SIPA1L1: variants seen among roughly 807,000 people sequenced by gnomAD.
The protein encoded by SIPA1L1 is signal-induced proliferation-associated 1-like protein 1.
Under a neutral mutation model 162.7 loss-of-function variants are expected in SIPA1L1, and 26 were observed. The ratio of observed to expected loss-of-function variants is 0.16; its 90% confidence interval spans 0.12 to 0.22. The LOEUF (loss-of-function observed/expected upper bound fraction) is 0.22, where lower values mean the gene tolerates loss of function less well. SIPA1L1 is among the 10% of genes least tolerant of loss of function. SIPA1L1 has a pLI of 1.00. For synonymous variants in SIPA1L1, 829 were observed against 837.4 expected (o/e 0.99, Z 0.17); for missense variants, 1,874 against 2,241.0 (o/e 0.84, Z 3.31).
rs147026918 is a variant in SIPA1L1, at chr14:71,367,510, G to A, written c.-465+46329G>A. Among the ~76,000 whole-genome samples the A allele has an allele frequency of 2.4e-3, 364 of 150,006 alleles. 2 individuals are homozygous for A. Among genetic ancestry groups the A allele is most frequent in the African/African-American group, 7.3e-3 (298 of 40,726 alleles). ...TTTTTACTGGAGACGGGGTTTCACCGTGTTAGCCAGGATGGTCTCGATCTC... is the reference window on the plus strand; with the variant it reads ...TTTTTACTGGAGACGGGGTTTCACCATGTTAGCCAGGATGGTCTCGATCTC... On this transcript the variant is annotated intron_variant, in intron 2 of 23. Transcript: ENST00000381232.
Position 71,740,807 on chromosome 14 carries a change from A to G in SIPA1L1, c.*1646A>G, listed in dbSNP as rs2085695880. ...CTGTCTCTTTCTCTCTTTGACTTGT[A>G]TGAAGGAGATTGTACATTGCCTGAT... On this transcript the variant is annotated 3_prime_UTR_variant, in exon 24 of 24. Transcript: ENST00000381232. The G allele has an allele frequency of 6.6e-6, 1 of 152,104 alleles. No individual in the cohort carries two copies. The highest frequency in any genetic ancestry group is 6.6e-5 in the Admixed American group (1 of 15,244). 9.4% of individuals were successfully genotyped at this position (152,104 alleles called of 1,614,324 possible). A position where few individuals can be genotyped will look rare whatever the true frequency, so the allele number is the denominator to read the frequency against.
In SIPA1L1 at chr14:71,409,574, C is replaced by A. The variant is rs1257484104; in HGVS notation, c.-465+88393C>A. Among the ~76,000 whole-genome samples, 4 of 152,162 alleles carry A rather than the reference C, an allele frequency of 2.6e-5. No homozygotes were observed. In the East Asian group the frequency reaches 7.7e-4, roughly 29 times the overall value. On this transcript the variant is annotated intron_variant, in intron 2 of 23. Transcript: ENST00000381232. ...GGACTGGGTCCTTTTGGAGAAAGGA[C>A]CTTTTAGTAAAAGGATTGGGCTAAT...
chr14:71,429,576 G>A (rs1225939474), intron 2 of SIPA1L1, among the ~76,000 whole-genome samples: 5 of 151,854 alleles, frequency 3.3e-5, no homozygotes, highest in Non-Finnish European at 7.4e-5. Flanking sequence ...TTATAAACAA[G>A]GCTGCAGGCA....
At chr14:71,642,767 G>C (rs1445743989) in intron 7 of SIPA1L1, among the ~76,000 whole-genome samples, 1 of 152,080 alleles carries the variant, frequency 6.6e-6, no homozygotes, top group African/African-American at 2.4e-5. Flanking sequence ...AAATGACTCT[G>C]ATGTCTTTTT....
At chr14:71,615,317 T>C (rs1385004809) in intron 5 of SIPA1L1, among the ~76,000 whole-genome samples, 1 of 152,218 alleles carries the variant, frequency 6.6e-6, no homozygotes, top group Non-Finnish European at 1.5e-5. Context: ...AGTGACAGGT[T>C]ATGAGAACCT....
intron 5 of SIPA1L1, among the ~76,000 whole-genome samples, chr14:71,615,176 G>C (rs1310007413): frequency 6.6e-6 from 1 of 152,196 alleles, no homozygotes; most frequent in Non-Finnish European, 1.5e-5. Flanking sequence ...GTTATGGAAA[G>C]AATGTTCTCA....
intron 6 of SIPA1L1, among the ~76,000 whole-genome samples, chr14:71,621,570 T>A (rs1186939272): frequency 2.0e-5 from 3 of 152,206 alleles, no homozygotes; most frequent in Admixed American, 1.3e-4. Flanking sequence ...AATCTAAAAT[T>A]TCTATTCCCC....
intron 2 of SIPA1L1, among the ~76,000 whole-genome samples, chr14:71,347,626 G>A (rs1244476169): frequency 3.9e-5 from 6 of 152,082 alleles, no homozygotes; most frequent in Non-Finnish European, 7.3e-5. Context: ...CCATTTCCAC[G>A]AGCAGTGTAT....
chr14:71,378,006 A>G (rs966024410), intron 2 of SIPA1L1, among the ~76,000 whole-genome samples: 2 of 152,104 alleles, frequency 1.3e-5, no homozygotes, highest in Non-Finnish European at 2.9e-5. Context: ...CAGTGGAAAG[A>G]AGGAGAGGGA....
chr14:71,512,416 G>A (rs957468663), intron 2 of SIPA1L1, among the ~76,000 whole-genome samples: 8 of 151,744 alleles, frequency 5.3e-5, no homozygotes, highest in African/African-American at 1.7e-4. Flanking sequence ...GTGAAACCCC[G>A]TCTCTACTAA....
rs185815692 is a variant in SIPA1L1 at position 71,349,680 on chromosome 14, T to C, written c.-465+28499T>C. ...TTACCAGGAGCCAGGATGGTTTCAA[T>C]ATTACAAAAAACATTCACTGGGTTT... is the stretch of plus-strand genomic sequence containing the variant. On this transcript the variant is annotated intron_variant, in intron 2 of 23. Coordinates refer to ENST00000381232, the MANE Select transcript of SIPA1L1 (RefSeq NM_001386936.1). 7.9e-5 allele frequency among the ~76,000 whole-genome samples: 12 copies of C among 152,316 alleles called. No homozygotes were observed. The East Asian group carries it at 2.3e-3, about 29-fold the overall frequency.
At position 71,612,322 on chromosome 14, in the gene SIPA1L1, C is replaced by G. The variant is rs561620174; in HGVS notation, c.1499-6435C>G. Reference sequence around the variant, plus strand: ...AGCAATATATGAATATATTACGTCTCTACCAAGGGCTGGTTTTTTATTTCA... The same window carrying G: ...AGCAATATATGAATATATTACGTCTGTACCAAGGGCTGGTTTTTTATTTCA... On this transcript the variant is annotated intron_variant, in intron 5 of 23. Transcript: ENST00000381232. 2.2e-4 allele frequency among the ~76,000 whole-genome samples: 34 copies of G among 152,260 alleles called. No homozygotes were observed. The South Asian group carries it at 2.3e-3, about 10-fold the overall frequency.
chr14:71,507,470 G>A (rs566636418), intron 2 of SIPA1L1, among the ~76,000 whole-genome samples: 9 of 152,246 alleles, frequency 5.9e-5, no homozygotes, highest in East Asian at 1.9e-4. Flanking sequence ...GTTCAGTTTC[G>A]TGGGTAGTTT....
intron 2 of SIPA1L1, among the ~76,000 whole-genome samples, chr14:71,483,765 A>G (rs1277206348): frequency 6.6e-6 from 1 of 152,194 alleles, no homozygotes; most frequent in Admixed American, 6.5e-5. Flanking sequence ...CACTGGAGAA[A>G]GTTCAGGAGT....
At chr14:71,564,002 C>T (rs1025458829) in intron 4 of SIPA1L1, among the ~76,000 whole-genome samples, 3 of 152,148 alleles carry the variant, frequency 2.0e-5, no homozygotes, top group African/African-American at 7.2e-5. Flanking sequence ...GGCTGTAGTG[C>T]AGTGGCACGA....
Position 71,587,892 on chromosome 14 carries a change from C to G in SIPA1L1, c.20C>G (p.Ser7Ter), listed in dbSNP as rs1343252629. MTSLKR[S>*]QTERPLATDR... ...TACATCATGACCAGCTTGAAACGGT[C>G]ACAGACAGAAAGGCCTCTTGCCACT... The change falls in exon 5 of 24, where the codon TCA (serine) becomes TGA (stop). Residue 7 changes from serine (S) to a stop codon, truncating the protein, a stop_gained. Coordinates refer to ENST00000381232, the MANE Select transcript of SIPA1L1 (RefSeq NM_001386936.1). LOFTEE classifies it high-confidence loss of function. 6.2e-7 allele frequency: 1 copy of G among 1,609,664 alleles called. No individual in the cohort carries two copies. The highest frequency in any genetic ancestry group is 1.7e-5 in the Admixed American group (1 of 59,924).
chr14:71,374,397 T>G (rs897530097), intron 2 of SIPA1L1, among the ~76,000 whole-genome samples: 1 of 152,006 alleles, frequency 6.6e-6, no homozygotes, highest in Admixed American at 6.5e-5. Context: ...CGTATTCAGT[T>G]AAAAGTATTT....
intron 2 of SIPA1L1, among the ~76,000 whole-genome samples, chr14:71,474,695 C>T (rs1378673624): frequency 2.6e-5 from 4 of 152,200 alleles, no homozygotes; most frequent in South Asian, 2.1e-4. Flanking sequence ...CCTATCAGTA[C>T]GTAGGACCCA....
At chr14:71,429,778 T>C (rs1327056324) in intron 2 of SIPA1L1, among the ~76,000 whole-genome samples, 1 of 152,236 alleles carries the variant, frequency 6.6e-6, no homozygotes, top group African/African-American at 2.4e-5. Flanking sequence ...GAAGACCTGA[T>C]GTATATTTAC....
Sources: gnomAD v4.1 joint callset for allele counts (sites outside exome capture counted in the v4.1 genomes callset) on GRCh38, gnomAD v4.1.1 for gene constraint, MANE v1.5 for transcripts, NCBI Gene and HGNC (gene_info 2026-07-23, HGNC 2026-07-21) for gene names.